The following HOMER1 variants were observed in gnomAD, a reference collection of about 807,000 sequenced individuals.
The protein encoded by HOMER1 is homer protein homolog 1.
HOMER1 carries 3 observed loss-of-function variants against 48.9 expected under a neutral mutation model. That is an observed-to-expected ratio of 0.06 (90% CI 0.03 to 0.16). The LOEUF (loss-of-function observed/expected upper bound fraction) is 0.16. Among genes scored for constraint, HOMER1 ranks in the 10% least tolerant of loss-of-function variants. HOMER1 has a pLI of 1.00. For synonymous variants in HOMER1, 134 were observed against 146.4 expected, an observed-to-expected ratio of 0.92 and a Z score of 0.61; for missense variants, 247 against 411.4, an observed-to-expected ratio of 0.60 and a Z score of 3.46.
At chr5:79,491,452 A>AAAG (rs1175159001) in intron 1 of HOMER1, among the ~76,000 whole-genome samples, 1 of 151,262 alleles carries the variant, frequency 6.6e-6, no homozygotes, top group East Asian at 1.9e-4. Context: ...AAAAAAAAAA[A>AAAG]AAAAAAAAAA....
chr5:79,453,270 T>C (rs915353352), intron 2 of HOMER1, among the ~76,000 whole-genome samples: 2 of 152,188 alleles, frequency 1.3e-5, no homozygotes, highest in African/African-American at 4.8e-5. Flanking sequence ...CTGTGTTTTC[T>C]GACAAGGGCA....
rs10527802 is a variant in HOMER1 at position 79,491,075 on chromosome 5, C to CAAAAAAAAAAAAAAAAAAAAA, written c.5+21674_5+21694dup. Among the ~76,000 whole-genome samples the CAAAAAAAAAAAAAAAAAAAAA allele has an allele frequency of 1.3e-4, 5 of 37,250 alleles. 1 individual carries two copies. Among genetic ancestry groups the CAAAAAAAAAAAAAAAAAAAAA allele is most frequent in the African/African-American group, 2.4e-4 (4 of 16,786 alleles). 24.4% of individuals were successfully genotyped at this position (37,250 alleles called of 152,430 possible). On this transcript the variant is annotated intron_variant, in intron 1 of 8. Transcript: ENST00000334082. The stretch of plus-strand genomic sequence containing the variant: ...TTTTTGGCCTTCAGTAGTACCAAAG[C>CAAAAAAAAAAAAAAAAAAAAA]AAAAAAAAAAAAAAAAAAAAAAAAA...
At chr5:79,437,264 G>C (rs1750610863) in intron 5 of HOMER1, among the ~76,000 whole-genome samples, 1 of 152,136 alleles carries the variant, frequency 6.6e-6, no homozygotes, top group South Asian at 2.1e-4. Context: ...CAATTTAAGT[G>C]TTAGCCAAAG....
intron 1 of HOMER1, among the ~76,000 whole-genome samples, chr5:79,479,003 G>C (rs182036862): frequency 2.0e-5 from 3 of 152,312 alleles, no homozygotes; most frequent in African/African-American, 7.2e-5. Flanking sequence ...GCCTATTTTA[G>C]AAAGTACTTA....
intron 1 of HOMER1, among the ~76,000 whole-genome samples, chr5:79,480,591 T>G (rs1751918878): frequency 6.6e-6 from 1 of 152,238 alleles, no homozygotes; most frequent in Admixed American, 6.5e-5. Flanking sequence ...ATACATTCTA[T>G]TTTCTCACTC....
intron 1 of HOMER1, among the ~76,000 whole-genome samples, chr5:79,496,198 A>G (rs916316310): frequency 6.6e-6 from 1 of 152,210 alleles, no homozygotes; most frequent in Admixed American, 6.5e-5. Flanking sequence ...GGAGGTGTGA[A>G]GTATGCGACT....
At chr5:79,451,556 C>CT (rs71615542) in intron 2 of HOMER1, among the ~76,000 whole-genome samples, 1,744 of 64,640 alleles carry the variant, frequency 0.027, 334 homozygotes, top group African/African-American at 0.048. Flanking sequence ...AAATATGACA[C>CT]TTTTTTTTTT....
chr5:79,449,360 C>CT (rs1461437170), intron 3 of HOMER1, among the ~76,000 whole-genome samples: 3 of 152,208 alleles, frequency 2.0e-5, no homozygotes, highest in African/African-American at 7.2e-5. Flanking sequence ...CAATGGAAAC[C>CT]TGTATCCTAG....
intron 8 of HOMER1, among the ~76,000 whole-genome samples, chr5:79,394,766 C>T (rs1049895863): frequency 4.6e-5 from 7 of 152,230 alleles, no homozygotes; most frequent in East Asian, 1.9e-4. Context: ...TGCAGCATTT[C>T]GCTATGTTGC....
chr5:79,381,916 A>G (rs759690928), intron 8 of HOMER1, among the ~76,000 whole-genome samples: 17 of 152,096 alleles, frequency 1.1e-4, no homozygotes, highest in Non-Finnish European at 2.5e-4. Context: ...AAATCTGAAA[A>G]ATAATTCAGG....
At chr5:79,430,288 C>T (rs866476579) in intron 5 of HOMER1, among the ~76,000 whole-genome samples, 3 of 152,054 alleles carry the variant, frequency 2.0e-5, no homozygotes, top group Middle Eastern at 3.2e-3. Context: ...ATATCATTAG[C>T]CATCAATGAA....
chr5:79,404,302 G>T (rs1437032562), intron 5 of HOMER1, among the ~76,000 whole-genome samples: 1 of 152,084 alleles, frequency 6.6e-6, no homozygotes, highest in Non-Finnish European at 1.5e-5. Flanking sequence ...TAAAATGAGG[G>T]TGTTTTTCTA....
At chr5:79,395,869 G>A (rs369150878) in intron 8 of HOMER1, among the ~76,000 whole-genome samples, 17 of 152,298 alleles carry the variant, frequency 1.1e-4, no homozygotes, top group African/African-American at 4.1e-4. Context: ...GCTAAGCCCA[G>A]TGTCCGATAT....
intron 1 of HOMER1, among the ~76,000 whole-genome samples, chr5:79,506,283 A>G (rs1168692170): frequency 6.6e-6 from 1 of 151,990 alleles, no homozygotes; most frequent in African/African-American, 2.4e-5. Flanking sequence ...AGCAAAAAAG[A>G]TTATATGTGT....
chr5:79,449,856 T>G (rs1278393018), intron 3 of HOMER1, among the ~76,000 whole-genome samples: 1 of 152,214 alleles, frequency 6.6e-6, no homozygotes, highest in Non-Finnish European at 1.5e-5. Flanking sequence ...AATTGAGATT[T>G]AAACTATAAT....
intron 1 of HOMER1, among the ~76,000 whole-genome samples, chr5:79,482,423 A>G (rs1028764020): frequency 6.6e-6 from 1 of 152,186 alleles, no homozygotes; most frequent in Non-Finnish European, 1.5e-5. Context: ...TACATGTTCA[A>G]TAAGGTAGAC....
intron 6 of HOMER1, among the ~76,000 whole-genome samples, chr5:79,400,302 T>C (rs917069858): frequency 2.0e-5 from 3 of 152,048 alleles, no homozygotes; most frequent in Non-Finnish European, 4.4e-5. Context: ...AGAATAACAT[T>C]TACTCAAGTT....
intron 1 of HOMER1, among the ~76,000 whole-genome samples, chr5:79,492,935 TA>T (rs892941208): frequency 8.9e-6 from 1 of 112,990 alleles, no homozygotes; most frequent in Admixed American, 1.1e-4. Context: ...TTTTTTTTTT[TA>T]AAGACAGAGT....
chr5:79,379,179 AT>A (rs1397557715), intron 8 of HOMER1, among the ~76,000 whole-genome samples: 14 of 103,812 alleles, frequency 1.3e-4, no homozygotes, highest in African/African-American at 5.4e-4. Context: ...TATTATATAT[AT>A]TTTTATATAT....
Sources: allele counts gnomAD v4.1 joint callset (sites outside exome capture counted in the v4.1 genomes callset), GRCh38; gene constraint gnomAD v4.1.1; transcripts MANE v1.5; gene names NCBI Gene and HGNC (gene_info 2026-07-23, HGNC 2026-07-21).